Variants in UVRAG observed in about 807,000 individuals in gnomAD.
UVRAG encodes the protein UV radiation resistance-associated gene protein.
A neutral mutation model predicts 78.0 loss-of-function variants in UVRAG; 19 were observed. The observed-to-expected ratio is 0.24, with a 90% CI of 0.17 to 0.36. The LOEUF (loss-of-function observed/expected upper bound fraction) is 0.36. Ranked by LOEUF, UVRAG falls within the 10% of genes least tolerant of loss-of-function variation. UVRAG has a pLI of 1.00. For synonymous variants in UVRAG, 323 were observed against 324.6 expected (o/e 1.00, Z 0.05); for missense variants, 740 against 853.8 (o/e 0.87, Z 1.66).
chr11:75,877,055 C>T (rs1001818833), intron 3 of UVRAG, among the ~76,000 whole-genome samples: 9 of 151,288 alleles, frequency 5.9e-5, no homozygotes, highest in Admixed American at 4.6e-4. Flanking sequence ...TGACTCTTAA[C>T]GAGCATGCTG....
chr11:76,017,855 C>T (rs532466795), intron 12 of UVRAG, among the ~76,000 whole-genome samples: 11 of 151,830 alleles, frequency 7.2e-5, no homozygotes, highest in East Asian at 1.9e-4. Flanking sequence ...GAAAATATAT[C>T]GCAGCAGACC....
At chr11:76,025,972 G>A in intron 12 of UVRAG, among the ~76,000 whole-genome samples, 1 of 152,124 alleles carries the variant, frequency 6.6e-6, no homozygotes, top group East Asian at 1.9e-4. Context: ...TGCATAGCTA[G>A]TTTGCATTTT....
intron 6 of UVRAG, among the ~76,000 whole-genome samples, chr11:75,948,677 A>G (rs1219646487): frequency 6.6e-6 from 1 of 152,180 alleles, no homozygotes; most frequent in Non-Finnish European, 1.5e-5. Flanking sequence ...TTTATCATCG[A>G]TGGAAGATGT....
At chr11:76,067,506 C>T (rs1050811128) in intron 13 of UVRAG, among the ~76,000 whole-genome samples, 2 of 152,250 alleles carry the variant, frequency 1.3e-5, no homozygotes, top group Non-Finnish European at 1.5e-5. Flanking sequence ...CCTGTAATCC[C>T]GGTACTTTGG....
At chr11:75,936,927 T>A (rs575717292) in intron 6 of UVRAG, among the ~76,000 whole-genome samples, 48 of 152,212 alleles carry the variant, frequency 3.2e-4, no homozygotes, top group African/African-American at 1.1e-3. Context: ...CCTGGCTGAT[T>A]TAAAATTTTT....
intron 13 of UVRAG, among the ~76,000 whole-genome samples, chr11:76,108,519 G>A (rs757030834): frequency 6.6e-6 from 1 of 152,170 alleles, no homozygotes; most frequent in Non-Finnish European, 1.5e-5. Context: ...GAGCTGTGAC[G>A]TCATAGTTGA....
chr11:75,943,693 C>T (rs551538313), intron 6 of UVRAG, among the ~76,000 whole-genome samples: 14 of 152,240 alleles, frequency 9.2e-5, no homozygotes, highest in African/African-American at 3.4e-4. Flanking sequence ...CTAATTATCA[C>T]ATGCTTTCAC....
chr11:75,991,868 G>A (rs1949613689), intron 8 of UVRAG, among the ~76,000 whole-genome samples: 1 of 151,902 alleles, frequency 6.6e-6, no homozygotes, highest in Non-Finnish European at 1.5e-5. Context: ...ACAAGACTGA[G>A]GTTTAATAAT....
chr11:75,892,420 AT>A (rs1947232598), intron 5 of UVRAG: 5 of 983,422 alleles, frequency 5.1e-6, no homozygotes, highest in African/African-American at 1.7e-5. Context: ...AACGGGAATA[AT>A]AGCTAGTATT....
At chr11:75,882,284 C>T (rs888664329) in intron 4 of UVRAG, among the ~76,000 whole-genome samples, 9 of 151,856 alleles carry the variant, frequency 5.9e-5, no homozygotes, top group South Asian at 2.1e-4. Context: ...GAGGCTGAGG[C>T]GGGAGGATCA....
chr11:75,986,767 C>T (rs1949508717), intron 8 of UVRAG, among the ~76,000 whole-genome samples: 1 of 151,990 alleles, frequency 6.6e-6, no homozygotes, highest in African/African-American at 2.4e-5. Context: ...TTCCACACTT[C>T]CCCTCCCCCA....
chr11:75,922,205 A>G (rs1947994176), intron 6 of UVRAG, among the ~76,000 whole-genome samples: 1 of 151,912 alleles, frequency 6.6e-6, no homozygotes, highest in Non-Finnish European at 1.5e-5. Context: ...ATTTGTTTAT[A>G]TTTTATTTTA....
intron 5 of UVRAG, among the ~76,000 whole-genome samples, chr11:75,906,288 C>A (rs908328747): frequency 3.3e-4 from 50 of 151,760 alleles, no homozygotes; most frequent in African/African-American, 1.1e-3. Context: ...GTTATATAAA[C>A]CCCTGTGTTT....
intron 13 of UVRAG, among the ~76,000 whole-genome samples, chr11:76,091,130 C>T (rs1396266749): frequency 6.6e-6 from 1 of 152,094 alleles, no homozygotes; most frequent in Non-Finnish European, 1.5e-5. Flanking sequence ...TCTTCTCTGA[C>T]TGAAATGGAA....
At chr11:75,883,466 A>G (rs1316315943) in intron 4 of UVRAG, among the ~76,000 whole-genome samples, 1 of 152,188 alleles carries the variant, frequency 6.6e-6, no homozygotes, top group East Asian at 1.9e-4. Flanking sequence ...AAACTTATCT[A>G]TAAAATAGCT....
chr11:75,985,974 GTT>G (rs1020107385), intron 8 of UVRAG, among the ~76,000 whole-genome samples: 3 of 151,882 alleles, frequency 2.0e-5, no homozygotes, highest in African/African-American at 4.8e-5. Flanking sequence ...CAGCTTAATT[GTT>G]TTTCTTCAAG....
chr11:75,830,555 G>A (rs1186851980), intron 1 of UVRAG, among the ~76,000 whole-genome samples: 1 of 152,176 alleles, frequency 6.6e-6, no homozygotes, highest in African/African-American at 2.4e-5. Flanking sequence ...ACAGGTGTGA[G>A]CCACTGCGCC....
At chr11:76,011,469 C>CA (rs1950049162) in intron 11 of UVRAG, among the ~76,000 whole-genome samples, 1 of 151,976 alleles carries the variant, frequency 6.6e-6, no homozygotes, top group Non-Finnish European at 1.5e-5. Flanking sequence ...ACTAAAAATA[C>CA]AAAAAATTAG....
At chr11:75,904,449 G>A (rs1420095118) in intron 5 of UVRAG, among the ~76,000 whole-genome samples, 2 of 152,170 alleles carry the variant, frequency 1.3e-5, no homozygotes, top group Non-Finnish European at 1.5e-5. Context: ...TGTTGGGATC[G>A]AACATCTGGT....
Sources: gnomAD v4.1 joint callset for allele counts (sites outside exome capture counted in the v4.1 genomes callset) on GRCh38, gnomAD v4.1.1 for gene constraint, MANE v1.5 for transcripts, NCBI Gene and HGNC (gene_info 2026-07-23, HGNC 2026-07-21) for gene names.